ETV6: variants seen among roughly 807,000 people sequenced by gnomAD.
ETV6 encodes the protein transcription factor ETV6.
ETV6 carries 16 observed loss-of-function variants against 51.1 expected under a neutral mutation model. That is an observed-to-expected ratio of 0.31 (90% confidence interval 0.21 to 0.48). The LOEUF (loss-of-function observed/expected upper bound fraction) is 0.48, where lower values mean the gene tolerates loss of function less well. Among genes scored for constraint, ETV6 ranks in the 20% least tolerant of loss-of-function variants. The pLI is 0.99. For missense variants in ETV6, 458 were observed against 594.8 expected (o/e 0.77, Z 2.39); for synonymous variants, 240 against 224.1 (o/e 1.07, Z -0.64).
chr12:11,658,616 G>A (rs1040356478), intron 1 of ETV6, among the ~76,000 whole-genome samples: 7 of 152,166 alleles, frequency 4.6e-5, no homozygotes, highest in African/African-American at 1.4e-4. Flanking sequence ...TAGGCCTCCC[G>A]AGTCAGCTGA....
chr12:11,747,791 C>CA, intron 1 of ETV6, among the ~76,000 whole-genome samples: 1 of 152,266 alleles, frequency 6.6e-6, no homozygotes, highest in South Asian at 2.1e-4. Context: ...TCAGCGTATT[C>CA]AATTTTTTGT....
intron 1 of ETV6, among the ~76,000 whole-genome samples, chr12:11,687,601 G>T (rs780764006): frequency 1.2e-4 from 18 of 152,108 alleles, no homozygotes; most frequent in Non-Finnish European, 2.9e-5. Context: ...TTAAAACACA[G>T]TTCTAGCCAA....
chr12:11,661,501 AG>A (rs1388311458), intron 1 of ETV6, among the ~76,000 whole-genome samples: 1 of 152,206 alleles, frequency 6.6e-6, no homozygotes, highest in African/African-American at 2.4e-5. Context: ...GGGTGAACCC[AG>A]TAGGAGAGTT....
chr12:11,714,716 G>A (rs906338303), intron 1 of ETV6, among the ~76,000 whole-genome samples: 1 of 151,668 alleles, frequency 6.6e-6, no homozygotes, highest in Non-Finnish European at 1.5e-5. Flanking sequence ...ACAGGGTGGT[G>A]TGGAAGGTCT....
chr12:11,857,509 A>G (rs1946649729), intron 4 of ETV6, among the ~76,000 whole-genome samples: 1 of 152,132 alleles, frequency 6.6e-6, no homozygotes, highest in Admixed American at 6.5e-5. Flanking sequence ...CTTTTTCCTT[A>G]CTTATTAGTT....
At chr12:11,721,563 CTG>C (rs1051285108) in intron 1 of ETV6, among the ~76,000 whole-genome samples, 4 of 152,172 alleles carry the variant, frequency 2.6e-5, no homozygotes, top group Non-Finnish European at 4.4e-5. Flanking sequence ...ACAATAAACA[CTG>C]TGGACTACTA....
intron 7 of ETV6, 66 bp downstream of exon 7, chr12:11,886,092 T>G (rs1347945865): frequency 1.7e-6 from 2 of 1,176,200 alleles, no homozygotes. Context: ...TAACGGGGAG[T>G]GGGGGGAGAC....
chr12:11,735,143 T>C (rs1324371351), intron 1 of ETV6, among the ~76,000 whole-genome samples: 3 of 129,354 alleles, frequency 2.3e-5, no homozygotes, highest in Non-Finnish European at 4.7e-5. Flanking sequence ...CCAAGCCTCC[T>C]ATTTCTTCAC....
In ETV6 at chr12:11,790,822, C is replaced by T. The variant is rs139901590; in HGVS notation, c.163+38243C>T. Among the ~76,000 whole-genome samples, 905 of 151,804 alleles carry T rather than the reference C, an allele frequency of 6.0e-3. 14 individuals carry two copies. The East Asian group carries it at 0.072, about 12-fold the overall frequency. The stretch of plus-strand genomic sequence containing the variant: ...CCTCCCTAGTAGCTGGGATCACAGG[C>T]GCGCGCCACCACACCCGGCTAATTT... On this transcript the variant is annotated intron_variant, in intron 2 of 7. Coordinates refer to ENST00000396373, the MANE Select transcript of ETV6 (RefSeq NM_001987.5).
intron 1 of ETV6, among the ~76,000 whole-genome samples, chr12:11,688,412 T>A (rs147507702): frequency 1.3e-5 from 2 of 152,346 alleles, no homozygotes; most frequent in Non-Finnish European, 2.9e-5. Flanking sequence ...TTTCTGATGC[T>A]TTCTGCTTCA....
At chr12:11,724,348 G>T (rs1865449670) in intron 1 of ETV6, among the ~76,000 whole-genome samples, 1 of 152,192 alleles carries the variant, frequency 6.6e-6, no homozygotes, top group South Asian at 2.1e-4. Flanking sequence ...CCTGTTCGTG[G>T]ATCCTTAGTA....
At chr12:11,804,713 C>T in intron 2 of ETV6, among the ~76,000 whole-genome samples, 1 of 152,172 alleles carries the variant, frequency 6.6e-6, no homozygotes, top group East Asian at 1.9e-4. Context: ...CAATTTTCAC[C>T]ACCTGACATG....
chr12:11,726,895 A>G (rs886598210), intron 1 of ETV6, among the ~76,000 whole-genome samples: 10 of 152,132 alleles, frequency 6.6e-5, no homozygotes, highest in African/African-American at 2.4e-4. Flanking sequence ...ACACACATAC[A>G]CTTCACTTCA....
chr12:11,825,609 C>A (rs1409462782), intron 2 of ETV6: 1 of 152,154 alleles, frequency 6.6e-6, no homozygotes, highest in African/African-American at 2.4e-5. Flanking sequence ...ATGACGTCTG[C>A]AAAGAGCCAT....
At chr12:11,769,307 A>C (rs1345883636) in intron 2 of ETV6, among the ~76,000 whole-genome samples, 1 of 152,128 alleles carries the variant, frequency 6.6e-6, no homozygotes. Flanking sequence ...TGTCTTCCTC[A>C]TTCTCATTGT....
intron 1 of ETV6, among the ~76,000 whole-genome samples, chr12:11,711,556 A>T (rs1445242865): frequency 6.6e-6 from 1 of 152,208 alleles, no homozygotes; most frequent in Non-Finnish European, 1.5e-5. Context: ...TACTGTTTCT[A>T]ATCCTGAAAT....
chr12:11,721,262 T>C (rs1457232396), intron 1 of ETV6, among the ~76,000 whole-genome samples: 2 of 152,328 alleles, frequency 1.3e-5, no homozygotes, highest in East Asian at 3.9e-4. Flanking sequence ...CATATACACT[T>C]GTATGTTTAC....
At chr12:11,846,226 A>G (rs1214406759) in intron 3 of ETV6, among the ~76,000 whole-genome samples, 1 of 102,468 alleles carries the variant, frequency 9.8e-6, no homozygotes, top group African/African-American at 5.8e-5. Context: ...GCATACTCTT[A>G]CTTTAAAAAA....
intron 1 of ETV6, among the ~76,000 whole-genome samples, chr12:11,749,666 A>C (rs1367601528): frequency 6.6e-6 from 1 of 152,204 alleles, no homozygotes; most frequent in East Asian, 1.9e-4. Context: ...GCACTGTGAG[A>C]GTCAACCTAG....
Sources: gnomAD v4.1 joint callset for allele counts (sites outside exome capture counted in the v4.1 genomes callset) on GRCh38, gnomAD v4.1.1 for gene constraint, MANE v1.5 for transcripts, NCBI Gene and HGNC (gene_info 2026-07-23, HGNC 2026-07-21) for gene names.